Variants in ZEB1 observed in about 807,000 individuals in gnomAD.
The protein encoded by ZEB1 is zinc finger E-box-binding homeobox 1.
ZEB1 carries 21 observed loss-of-function variants against 84.9 expected under a neutral mutation model. The observed-to-expected ratio is 0.25, with a 90% confidence interval of 0.18 to 0.36. ZEB1 has a LOEUF of 0.36. Among genes scored for constraint, ZEB1 ranks in the 10% least tolerant of loss-of-function variants. The pLI, the probability that ZEB1 is intolerant of heterozygous loss-of-function variation, is 1.00. For synonymous variants in ZEB1, 420 were observed against 471.1 expected (o/e 0.89, Z 1.41); for missense variants, 1,104 against 1,330.2 (o/e 0.83, Z 2.65).
intron 1 of ZEB1, chr10:31,321,661 C>T (rs2034096868): frequency 1.5e-6 from 2 of 1,329,252 alleles, no homozygotes; most frequent in Non-Finnish European, 1.1e-6. Flanking sequence ...AGCGTCTGTG[C>T]AGCTGCTGTA....
chr10:31,422,469 A>C (rs1255294172), intron 1 of ZEB1, among the ~76,000 whole-genome samples: 1 of 152,182 alleles, frequency 6.6e-6, no homozygotes, highest in Admixed American at 6.5e-5. Flanking sequence ...TAAGTTAGAG[A>C]CAGTATCTTC....
chr10:31,444,633 G>T (rs2059516690), intron 1 of ZEB1, among the ~76,000 whole-genome samples: 1 of 151,924 alleles, frequency 6.6e-6, no homozygotes, highest in East Asian at 1.9e-4. Context: ...TCTACATATG[G>T]CTAGCCAGTT....
At chr10:31,445,059 C>T (rs1203058386) in intron 1 of ZEB1, among the ~76,000 whole-genome samples, 3 of 146,834 alleles carry the variant, frequency 2.0e-5, no homozygotes, top group Non-Finnish European at 2.9e-5. Context: ...ATGGAATGTT[C>T]TTCCATTTGT....
chr10:31,472,249 T>C (rs946143422), intron 2 of ZEB1, among the ~76,000 whole-genome samples: 2 of 151,940 alleles, frequency 1.3e-5, no homozygotes, highest in Admixed American at 1.3e-4. Flanking sequence ...CAAAAAACCC[T>C]TCAAAAAATT....
intron 1 of ZEB1, among the ~76,000 whole-genome samples, chr10:31,440,211 A>C (rs2058757030): frequency 6.6e-6 from 1 of 152,176 alleles, no homozygotes; most frequent in African/African-American, 2.4e-5. Context: ...CCGTTTACTG[A>C]AATAGAGAAG....
intron 1 of ZEB1, among the ~76,000 whole-genome samples, chr10:31,442,977 A>G (rs1024094763): frequency 5.9e-5 from 9 of 152,320 alleles, no homozygotes; most frequent in African/African-American, 2.2e-4. Context: ...TGAAGTATAG[A>G]GGGACTGAGA....
In ZEB1 at chr10:31,520,335, A is replaced by G; in HGVS notation, c.1003A>G (p.Asn335Asp). ...ACCACAGATACGGCAAAAGATAGAG[A>G]ATAAACCCCTTCAAGAACAACTTTC... ...TRPQIRQKIENKPLQEQLSVN... is the reference protein window; with the variant it reads ...TRPQIRQKIEDKPLQEQLSVN... The change falls in exon 7 of 9, where the codon AAT becomes GAT. Residue 335 changes from asparagine to aspartate, a missense_variant. By Grantham distance (23) the Asn-to-Asp change is conservative. This residue lies in a region of ZEB1 where 111 missense variants were observed against 161.8 expected (regional missense o/e 0.69). Transcript: ENST00000424869. This position sits in a 1 kb window ranked among gnomAD's most constrained non-coding sequence, Gnocchi z 5.1. The G allele has an allele frequency of 6.2e-7, 1 of 1,613,978 alleles. No individual in the cohort carries two copies. Among genetic ancestry groups the G allele is most frequent in the Non-Finnish European group, 8.5e-7 (1 of 1,179,930 alleles).
At chr10:31,464,796 TGAA>T (rs2062199983) in intron 2 of ZEB1, among the ~76,000 whole-genome samples, 2 of 152,124 alleles carry the variant, frequency 1.3e-5, no homozygotes, top group Admixed American at 6.6e-5. Flanking sequence ...ACTTCAGAAA[TGAA>T]GAAGAAATAC....
rs1329650489 is a variant in ZEB1, at chr10:31,461,231, G to T, written c.253G>T (p.Asp85Tyr). ...AGGGAATGCTAAGAACTGCTGGGAG[G>T]ATGACAGTAAGTCTGATTTTTTTTT... Reference protein sequence around the residue: ...REGNAKNCWEDDTGKEGQEIL... With the variant: ...REGNAKNCWEYDTGKEGQEIL... Residue 85 changes from aspartate (D) to tyrosine (Y), a missense_variant, in exon 2 of 9, where the codon GAT (aspartate) becomes TAT (tyrosine). Physicochemically the swap from Asp to Tyr is radical, Grantham distance 160. This residue lies in a region of ZEB1 where 162 missense variants were observed against 184.5 expected (regional missense o/e 0.88). Transcript: ENST00000424869. The T allele has an allele frequency of 1.2e-6, 2 of 1,611,834 alleles. No individual in the cohort carries two copies. Among genetic ancestry groups the T allele is most frequent in the Non-Finnish European group, 1.7e-6 (2 of 1,178,892 alleles).
intron 2 of ZEB1, among the ~76,000 whole-genome samples, chr10:31,479,849 A>G (rs2064805418): frequency 6.6e-6 from 1 of 151,954 alleles, no homozygotes; most frequent in Admixed American, 6.6e-5. Context: ...TTAAAAATAA[A>G]ATTTATACAG....
intron 1 of ZEB1, chr10:31,319,774 C>T (rs994522928): frequency 1.3e-5 from 2 of 153,716 alleles, no homozygotes; most frequent in African/African-American, 4.9e-5. Flanking sequence ...AGCCGCGGAA[C>T]AAACTTGTGC....
intron 8 of ZEB1, among the ~76,000 whole-genome samples, chr10:31,525,663 C>G (rs749773135): frequency 4.6e-5 from 7 of 152,170 alleles, no homozygotes; most frequent in Admixed American, 1.3e-4. Flanking sequence ...TTAACTGTTT[C>G]AGTGTATTTT....
intron 5 of ZEB1, among the ~76,000 whole-genome samples, chr10:31,511,617 CT>C (rs1336613327): frequency 2.0e-5 from 3 of 152,152 alleles, no homozygotes; most frequent in African/African-American, 7.2e-5. Flanking sequence ...TTAATTCTAA[CT>C]TTAAAAATTA....
At chr10:31,476,285 C>T (rs981489401) in intron 2 of ZEB1, among the ~76,000 whole-genome samples, 1 of 151,868 alleles carries the variant, frequency 6.6e-6, no homozygotes, top group Non-Finnish European at 1.5e-5. Context: ...GACAGTATTG[C>T]TGATACAACA....
At chr10:31,330,277 A>T (rs528153615) in intron 1 of ZEB1, among the ~76,000 whole-genome samples, 1 of 152,296 alleles carries the variant, frequency 6.6e-6, no homozygotes, top group Admixed American at 6.5e-5. Context: ...ACTAATACCC[A>T]AAGCTCAGGA....
chr10:31,410,340 C>A (rs1314375944), intron 1 of ZEB1, among the ~76,000 whole-genome samples: 1 of 151,946 alleles, frequency 6.6e-6, no homozygotes, highest in Non-Finnish European at 1.5e-5. Context: ...GCAGCTTCAT[C>A]CCAGGTATGA....
chr10:31,485,924 CT>C (rs1365992518), intron 2 of ZEB1, among the ~76,000 whole-genome samples: 1 of 151,806 alleles, frequency 6.6e-6, no homozygotes, highest in Non-Finnish European at 1.5e-5. Flanking sequence ...CAACCGTGAT[CT>C]TTTGCTATCA....
At chr10:31,510,354 T>G (rs568901006) in intron 4 of ZEB1, among the ~76,000 whole-genome samples, 1 of 152,362 alleles carries the variant, frequency 6.6e-6, no homozygotes, top group African/African-American at 2.4e-5. Context: ...TTTTGTTTTC[T>G]TTTCTAGCTA....
At chr10:31,332,102 GT>G (rs1590016293) in intron 1 of ZEB1, among the ~76,000 whole-genome samples, 1 of 152,194 alleles carries the variant, frequency 6.6e-6, no homozygotes, top group Non-Finnish European at 1.5e-5. Flanking sequence ...GCTTTCCTGA[GT>G]TTTTGCTTAT....
Sources: gnomAD v4.1 joint callset for allele counts (sites outside exome capture counted in the v4.1 genomes callset) on GRCh38, gnomAD v4.1.1 for gene constraint, gnomAD v4.1.1 regional missense constraint, Gnocchi (gnomAD v3.1) non-coding constraint, MANE v1.5 for transcripts, NCBI Gene and HGNC (gene_info 2026-07-23, HGNC 2026-07-21) for gene names.